Variants in CCDC102B observed in about 807,000 individuals in gnomAD.
CCDC102B encodes the protein coiled-coil domain-containing protein 102B.
In CCDC102B, 75 loss-of-function variants were observed where a neutral mutation model predicts 57.4. The observed-to-expected ratio is 1.31, with a 90% CI of 1.08 to 1.58. The LOEUF is 1.58. Ranked by LOEUF, CCDC102B falls within the 40% of genes most tolerant of loss-of-function variation. The probability of loss-of-function intolerance (pLI) is 0.00; values close to 1 mark genes in which losing one functional copy is unlikely to be tolerated. For missense variants in CCDC102B, 636 were observed against 582.6 expected, an observed-to-expected ratio of 1.09 and a Z score of -0.94; for synonymous variants, 206 against 201.9, an observed-to-expected ratio of 1.02 and a Z score of -0.17.
chr18:68,839,780 A>C (rs966280360), intron 3 of CCDC102B, among the ~76,000 whole-genome samples: 2 of 152,194 alleles, frequency 1.3e-5, no homozygotes, highest in South Asian at 4.1e-4. Flanking sequence ...GCTAGGTTGC[A>C]AGTGAACATC....
At chr18:68,772,595 A>G (rs1230072786) in intron 2 of CCDC102B, among the ~76,000 whole-genome samples, 1 of 152,168 alleles carries the variant, frequency 6.6e-6, no homozygotes, top group Non-Finnish European at 1.5e-5. Context: ...TTGTAAAATT[A>G]AACTGTCCTA....
At chr18:69,011,432 T>C (rs543155507) in intron 7 of CCDC102B, among the ~76,000 whole-genome samples, 26 of 152,020 alleles carry the variant, frequency 1.7e-4, no homozygotes, top group African/African-American at 6.0e-4. Flanking sequence ...GCTTGGGTGT[T>C]TTAAGATTTA....
chr18:68,768,249 A>G (rs998211584), intron 2 of CCDC102B, among the ~76,000 whole-genome samples: 1 of 152,234 alleles, frequency 6.6e-6, no homozygotes, highest in Non-Finnish European at 1.5e-5. Flanking sequence ...GCAAAGACAG[A>G]TGGATTTCAC....
intron 6 of CCDC102B, among the ~76,000 whole-genome samples, chr18:68,953,355 C>CTTTTTTTTTTTTTTTTTTTTT (rs5825890): frequency 8.0e-6 from 1 of 125,536 alleles, no homozygotes; most frequent in Non-Finnish European, 1.6e-5. Flanking sequence ...CAATACTTGT[C>CTTTTTTTTTTTTTTTTTTTTT]TTTTTTTTTT....
chr18:68,822,019 T>C (rs2036710387), intron 1 of CCDC102B, among the ~76,000 whole-genome samples: 1 of 152,176 alleles, frequency 6.6e-6, no homozygotes, highest in African/African-American at 2.4e-5. Flanking sequence ...TCTAGAAGCT[T>C]GTAAAATTAT....
intron 6 of CCDC102B, among the ~76,000 whole-genome samples, chr18:68,955,031 C>A (rs1568351097): frequency 6.6e-6 from 1 of 152,160 alleles, no homozygotes; most frequent in Non-Finnish European, 1.5e-5. Context: ...GCTACTATCA[C>A]ACCTCTATTT....
intron 6 of CCDC102B, among the ~76,000 whole-genome samples, chr18:68,923,993 G>T (rs779195800): frequency 6.6e-6 from 1 of 151,928 alleles, no homozygotes; most frequent in Non-Finnish European, 1.5e-5. Flanking sequence ...TATGTTTATG[G>T]CTGTAAGTAG....
chr18:68,975,788 AAC>A (rs1484376208), intron 6 of CCDC102B, among the ~76,000 whole-genome samples: 2 of 151,798 alleles, frequency 1.3e-5, no homozygotes, highest in African/African-American at 4.8e-5. Flanking sequence ...TCTTTCTACA[AAC>A]AGTGTGTTTC....
intron 6 of CCDC102B, chr18:68,908,616 A>G (rs2040727718): frequency 6.6e-6 from 1 of 152,216 alleles, no homozygotes; most frequent in South Asian, 2.1e-4. Context: ...TAGTTAAATG[A>G]CATTTTTAAA....
Position 68,841,404 on chromosome 18 carries a change from C to T in CCDC102B, c.827+2478C>T, listed in dbSNP as rs2037623349. Reference sequence around the variant, plus strand: ...ACTGTTCAGTTTTATGAATAATTATCCAGTGTATAAAAGTTTCTCATATAC... The same window carrying T: ...ACTGTTCAGTTTTATGAATAATTATTCAGTGTATAAAAGTTTCTCATATAC... On this transcript the variant is annotated intron_variant, in intron 3 of 7. Transcript: ENST00000360242. Among the ~76,000 whole-genome samples the T allele has an allele frequency of 7.9e-5, 12 of 152,218 alleles. No individual in the cohort carries two copies. The South Asian group carries it at 2.5e-3, about 32-fold the overall frequency.
intron 4 of CCDC102B, among the ~76,000 whole-genome samples, chr18:68,864,309 G>C (rs2038884704): frequency 6.6e-6 from 1 of 151,780 alleles, no homozygotes; most frequent in Admixed American, 6.6e-5. Flanking sequence ...ATATAGAAGA[G>C]ACAGAAAAGT....
intron 6 of CCDC102B, among the ~76,000 whole-genome samples, chr18:68,936,074 C>T (rs2049227786): frequency 6.6e-6 from 1 of 151,886 alleles, no homozygotes; most frequent in Admixed American, 6.6e-5. Context: ...GCAATGGATG[C>T]ACAAAATTAC....
At chr18:68,830,927 T>C (rs2037118578) in intron 1 of CCDC102B, among the ~76,000 whole-genome samples, 1 of 152,012 alleles carries the variant, frequency 6.6e-6, no homozygotes, top group South Asian at 2.1e-4. Context: ...ATTTTATTTT[T>C]CCAAGACTCA....
At chr18:68,788,589 T>C (rs2035303305) in intron 2 of CCDC102B, among the ~76,000 whole-genome samples, 1 of 150,204 alleles carries the variant, frequency 6.7e-6, no homozygotes, top group African/African-American at 2.5e-5. Flanking sequence ...TGTAATGGCC[T>C]TCTTTGTCTC....
intron 2 of CCDC102B, among the ~76,000 whole-genome samples, chr18:68,757,754 G>T (rs932968707): frequency 7.2e-5 from 11 of 152,058 alleles, no homozygotes; most frequent in African/African-American, 2.7e-4. Context: ...CTTCTAATAT[G>T]CTTTTCTCTT....
At chr18:68,766,839 G>C (rs1359699490) in intron 2 of CCDC102B, among the ~76,000 whole-genome samples, 1 of 152,178 alleles carries the variant, frequency 6.6e-6, no homozygotes, top group East Asian at 1.9e-4. Flanking sequence ...TTATGAGTTT[G>C]GGAATTAAAA....
chr18:68,777,981 G>C (rs547859759), intron 2 of CCDC102B, among the ~76,000 whole-genome samples: 3 of 152,256 alleles, frequency 2.0e-5, no homozygotes, highest in East Asian at 3.9e-4. Flanking sequence ...AAACTATAGA[G>C]CTTGCATAAG....
At chr18:69,022,224 A>ATATATATAT (rs1568131201) in intron 7 of CCDC102B, among the ~76,000 whole-genome samples, 1 of 111,778 alleles carries the variant, frequency 8.9e-6, no homozygotes, top group Non-Finnish European at 1.7e-5. Flanking sequence ...TATATATATA[A>ATATATATAT]CACACACACA....
At chr18:68,912,810 C>A (rs574617427) in intron 6 of CCDC102B, among the ~76,000 whole-genome samples, 1 of 152,272 alleles carries the variant, frequency 6.6e-6, no homozygotes, top group South Asian at 2.1e-4. Context: ...TTTCTAAATG[C>A]AGAGTTTGGA....
Sources: allele counts gnomAD v4.1 joint callset (sites outside exome capture counted in the v4.1 genomes callset), GRCh38; gene constraint gnomAD v4.1.1; transcripts MANE v1.5; gene names NCBI Gene and HGNC (gene_info 2026-07-23, HGNC 2026-07-21).